NFIA: variants seen among roughly 807,000 people sequenced by gnomAD.
The protein encoded by NFIA is nuclear factor I A.
Under a neutral mutation model 62.8 loss-of-function variants are expected in NFIA, and 8 were observed. The ratio of observed to expected loss-of-function variants is 0.13; its 90% CI spans 0.07 to 0.23. The LOEUF is 0.23. Ranked by LOEUF, NFIA falls within the 10% of genes least tolerant of loss-of-function variation. The probability of loss-of-function intolerance (pLI) is 1.00; values close to 1 mark genes in which losing one functional copy is unlikely to be tolerated. For synonymous variants in NFIA, 235 were observed against 238.1 expected (o/e 0.99, Z 0.12); for missense variants, 410 against 642.1 (o/e 0.64, Z 3.91).
At chr1:61,390,539 G>A (rs1200504863) in intron 7 of NFIA, among the ~76,000 whole-genome samples, 1 of 152,042 alleles carries the variant, frequency 6.6e-6, no homozygotes, top group Non-Finnish European at 1.5e-5. Flanking sequence ...GGCCCAAATA[G>A]GGATCTTGCT....
intron 9 of NFIA, among the ~76,000 whole-genome samples, chr1:61,417,265 TTGTGTGTGTG>T (rs5774557): frequency 7.2e-6 from 1 of 139,100 alleles, no homozygotes; most frequent in African/African-American, 2.7e-5. Flanking sequence ...TTCCTCATCT[TTGTGTGTGTG>T]TGTGTGTGTG....
At chr1:61,146,958 A>G (rs1648054816) in intron 2 of NFIA, among the ~76,000 whole-genome samples, 1 of 152,138 alleles carries the variant, frequency 6.6e-6, no homozygotes, top group Non-Finnish European at 1.5e-5. Flanking sequence ...GGCTTCCCTA[A>G]GTTGTATATT....
intron 3 of NFIA, among the ~76,000 whole-genome samples, chr1:61,278,040 A>G (rs1473438805): frequency 1.0e-5 from 1 of 96,838 alleles, no homozygotes; most frequent in Non-Finnish European, 1.9e-5. Context: ...ACACTTTGCC[A>G]ATTCCTTTAA....
In NFIA at chr1:61,205,404, C is replaced by G. The variant is rs1240420177; in HGVS notation, c.560-72116C>G. 2.0e-5 allele frequency among the ~76,000 whole-genome samples: 3 copies of G among 152,158 alleles called. No individual in the cohort carries two copies. The East Asian group carries it at 5.8e-4, about 29-fold the overall frequency. On this transcript the variant is annotated intron_variant, in intron 2 of 10. Coordinates refer to ENST00000403491, the MANE Select transcript of NFIA (RefSeq NM_001134673.4). ...AGCAGTTGTATAAAAAGCTAGCTCT[C>G]AGAGATGGGGCTTTCTCATAGGCAT...
chr1:61,174,336 G>A lies in NFIA; in HGVS notation c.559+85656G>A, dbSNP rs540462332. Reference sequence around the variant, plus strand: ...TTTCCCAGGCAGTGTTACCTGCTCCGAAAGCTGCAAGCGTGCCTACACACA... The same window carrying A: ...TTTCCCAGGCAGTGTTACCTGCTCCAAAAGCTGCAAGCGTGCCTACACACA... On this transcript the variant is annotated intron_variant, in intron 2 of 10. Coordinates refer to ENST00000403491, the MANE Select transcript of NFIA (RefSeq NM_001134673.4). Among the ~76,000 whole-genome samples the A allele has an allele frequency of 2.6e-5, 4 of 152,268 alleles. No homozygotes were observed. The East Asian group carries it at 5.8e-4, about 22-fold the overall frequency.
intron 3 of NFIA, among the ~76,000 whole-genome samples, chr1:61,323,413 C>T (rs1660774928): frequency 6.6e-6 from 1 of 152,204 alleles, no homozygotes; most frequent in Non-Finnish European, 1.5e-5. Flanking sequence ...AGCACACTAC[C>T]AAGTGAATTT....
At chr1:61,221,301 A>G (rs1164633012) in intron 2 of NFIA, among the ~76,000 whole-genome samples, 1 of 152,088 alleles carries the variant, frequency 6.6e-6, no homozygotes, top group Non-Finnish European at 1.5e-5. Context: ...TGGAATTGAA[A>G]CATTTCTACA....
chr1:61,117,043 A>G (rs1646804187), intron 2 of NFIA, among the ~76,000 whole-genome samples: 1 of 152,186 alleles, frequency 6.6e-6, no homozygotes, highest in Non-Finnish European at 1.5e-5. Context: ...TCTCTTGTTG[A>G]GAGGAAGGTA....
intron 3 of NFIA, among the ~76,000 whole-genome samples, chr1:61,318,118 A>G (rs559822375): frequency 6.6e-6 from 1 of 152,308 alleles, no homozygotes; most frequent in South Asian, 2.1e-4. Flanking sequence ...CCCGATTCAT[A>G]TTTAGCCCTG....
intron 9 of NFIA, among the ~76,000 whole-genome samples, chr1:61,416,327 C>A (rs1378764153): frequency 6.6e-6 from 1 of 152,166 alleles, no homozygotes; most frequent in South Asian, 2.1e-4. Flanking sequence ...ATCAAAACCA[C>A]ATACTCACAC....
rs185835478 is a variant in NFIA at position 61,298,087 on chromosome 1, C to T, written c.625+20502C>T. The stretch of plus-strand genomic sequence containing the variant: ...ATCTCGAATTGTAATCCCCACATGT[C>T]GAGGGAGGAGGGAGCTGTAATTCCC... On this transcript the variant is annotated intron_variant, in intron 3 of 10. Coordinates refer to ENST00000403491, the MANE Select transcript of NFIA (RefSeq NM_001134673.4). 7.2e-5 allele frequency among the ~76,000 whole-genome samples: 11 copies of T among 152,128 alleles called. No homozygotes were observed. The East Asian group carries it at 1.9e-3, about 27-fold the overall frequency.
At chr1:61,141,420 GA>G (rs34815282) in intron 2 of NFIA, among the ~76,000 whole-genome samples, 1 of 151,642 alleles carries the variant, frequency 6.6e-6, no homozygotes, top group African/African-American at 2.4e-5. Flanking sequence ...TACTCAGGGG[GA>G]AAAAAAACCA....
upstream of NFIA, among the ~76,000 whole-genome samples, chr1:61,080,031 G>A (rs1226948019): frequency 1.3e-5 from 2 of 152,120 alleles, no homozygotes; most frequent in African/African-American, 2.4e-5. Flanking sequence ...CTCCGCGGGG[G>A]AGGGAGCGGG....
At chr1:61,082,462 C>T (rs1472617481), upstream of NFIA, 42 of 1,056,384 alleles carry the variant, frequency 4.0e-5, no homozygotes, top group Non-Finnish European at 4.7e-5. Context: ...AGCTCGCGGG[C>T]ACCCGGCCGG....
At chr1:61,279,227 A>G (rs1657989303) in intron 3 of NFIA, among the ~76,000 whole-genome samples, 1 of 152,190 alleles carries the variant, frequency 6.6e-6, no homozygotes, top group African/African-American at 2.4e-5. Flanking sequence ...AGTTTACCAC[A>G]TTAGCTATCC....
At chr1:61,220,189 AATG>A (rs935746030) in intron 2 of NFIA, among the ~76,000 whole-genome samples, 10 of 152,252 alleles carry the variant, frequency 6.6e-5, no homozygotes, top group African/African-American at 2.4e-4. Context: ...TGTTTTTTGT[AATG>A]ATCTGTCACC....
chr1:61,447,844 A>G (rs983564688), intron 10 of NFIA, among the ~76,000 whole-genome samples: 1 of 152,192 alleles, frequency 6.6e-6, no homozygotes. Flanking sequence ...GAACCCCGTC[A>G]TAAGCGGCTC....
chr1:61,277,249 T>A (rs1303926482), intron 2 of NFIA, among the ~76,000 whole-genome samples: 2 of 152,224 alleles, frequency 1.3e-5, no homozygotes, highest in East Asian at 3.8e-4. Context: ...AGAGAATGGT[T>A]GCTGAAGAGC....
chr1:61,182,351 G>A (rs1185301213), intron 2 of NFIA, among the ~76,000 whole-genome samples: 1 of 152,138 alleles, frequency 6.6e-6, no homozygotes, highest in Non-Finnish European at 1.5e-5. Context: ...TTCTAAGGTC[G>A]AACACAGATC....
Sources: allele counts gnomAD v4.1 joint callset (sites outside exome capture counted in the v4.1 genomes callset), GRCh38; gene constraint gnomAD v4.1.1; transcripts MANE v1.5; gene names NCBI Gene and HGNC (gene_info 2026-07-23, HGNC 2026-07-21).